Variants in G6PC3 observed in about 807,000 individuals in gnomAD.
G6PC3 encodes glucose-6-phosphatase 3.
A neutral mutation model predicts 38.6 loss-of-function variants in G6PC3; 30 were observed. That is an observed-to-expected ratio of 0.78 (90% CI 0.58 to 1.05). The LOEUF is 1.05. Among genes scored for constraint, G6PC3 ranks in the 50% least tolerant of loss-of-function variants. The pLI is 0.00. For missense variants in G6PC3, 377 were observed against 443.1 expected, an observed-to-expected ratio of 0.85 and a Z score of 1.34; for synonymous variants, 192 against 178.1, an observed-to-expected ratio of 1.08 and a Z score of -0.62.
intron 1 of G6PC3, chr17:44,072,627 C>CTT (rs57662252): frequency 2.2e-3 from 278 of 127,462 alleles, no homozygotes; most frequent in Middle Eastern, 9.6e-3. Flanking sequence ...ACCTGGCATT[C>CTT]TTTTTTTTTT....
Position 44,071,006 on chromosome 17 carries a change from C to T in G6PC3, c.41C>T (p.Ala14Val). The T allele has an allele frequency of 6.4e-7, 1 of 1,565,952 alleles. No homozygotes were observed. Among genetic ancestry groups the T allele is most frequent in the Non-Finnish European group, 8.7e-7 (1 of 1,154,468 alleles). The stretch of plus-strand genomic sequence containing the variant: ...GGCGCGGGCATCGTGATAGCCGAGG[C>T]GCTACAGAACCAGCTAGCCTGGCTG... ...TLGAGIVIAE[A>V]LQNQLAWLEN... is the part of the protein sequence containing the mutation. Residue 14 changes from alanine (A) to valine (V), a missense_variant, in exon 1 of 6, where the codon GCG becomes GTG. Ala to Val is a moderately conservative substitution (Grantham distance 64). Transcript: ENST00000269097.
At chr17:44,073,793 T>G in intron 1 of G6PC3, 1 of 299,994 alleles carries the variant, frequency 3.3e-6, no homozygotes, top group Non-Finnish European at 6.5e-6. Context: ...TGGGTCTTGC[T>G]ATGTTGCCCA....
In G6PC3 at chr17:44,071,068, C is replaced by T. The variant is rs746973765; in HGVS notation, c.103C>T (p.Pro35Ser). The change falls in exon 1 of 6, where the codon CCC (proline) becomes TCC (serine). Residue 35 changes from proline to serine, a missense_variant. Physicochemically the swap from Pro to Ser is moderately conservative, Grantham distance 74 (BLOSUM62 -1). Transcript: ENST00000269097. The stretch of plus-strand genomic sequence containing the variant: ...GCTCTGGATCACCTTTCTGGGCGAT[C>T]CCAAGATCCTCTTTCTGTTCTACTT... ...VWLWITFLGD[P>S]KILFLFYFPA... 1 of 1,611,880 alleles carries T rather than the reference C, an allele frequency of 6.2e-7. No homozygotes were observed. Among genetic ancestry groups the T allele is most frequent in the South Asian group, 1.1e-5 (1 of 90,448 alleles).
rs2049966933 is a variant in G6PC3, at chr17:44,070,989, C to T, written c.24C>T (p.Gly8=). MESTLGA[G]IVIAEALQNQ... ...CCATGGAGTCCACGCTGGGCGCGGG[C>T]ATCGTGATAGCCGAGGCGCTACAGA... The change falls in exon 1 of 6, where the codon GGC becomes GGT. Residue 8 remains glycine, a synonymous_variant. Coordinates refer to ENST00000269097, the MANE Select transcript of G6PC3 (RefSeq NM_138387.4). 1.3e-6 allele frequency: 2 copies of T among 1,556,274 alleles called. No individual in the cohort carries two copies. Among genetic ancestry groups the T allele is most frequent in the Non-Finnish European group, 1.7e-6 (2 of 1,149,466 alleles).
Position 44,075,713 on chromosome 17 carries a change from G to T in G6PC3, c.711G>T (p.Arg237=). 6.2e-7 allele frequency: 1 copy of T among 1,612,490 alleles called. No homozygotes were observed. The stretch of plus-strand genomic sequence containing the variant: ...GCCTAGCCTTCAAGTGGTGTGAGCG[G>T]CCTGAGTGGATACACGTGGATAGCC... ...SISLAFKWCE[R]PEWIHVDSRP... Residue 237 remains arginine (R), a synonymous_variant, in exon 6 of 6, where the codon CGG becomes CGT. Transcript: ENST00000269097.
At chr17:44,075,638 T>C (rs1338324519) in intron 5 of G6PC3, 42 bp from the exon 6 acceptor site, 1 of 1,607,014 alleles carries the variant, frequency 6.2e-7, no homozygotes, top group Non-Finnish European at 8.5e-7. Flanking sequence ...AGTGGCCTTC[T>C]ATGTTCCAGC....
intron 1 of G6PC3, chr17:44,071,575 C>G (rs1354049544): frequency 1.8e-6 from 2 of 1,083,836 alleles, no homozygotes; most frequent in African/African-American, 3.3e-5. Flanking sequence ...AGAGTCCTAC[C>G]TCTCAACTCA....
intron 1 of G6PC3, chr17:44,072,040 G>C: frequency 3.9e-6 from 1 of 256,640 alleles, no homozygotes; most frequent in Non-Finnish European, 8.0e-6. Flanking sequence ...GGGAAGGAAG[G>C]GAGGCTCATA....
intron 1 of G6PC3, chr17:44,072,199 G>C (rs1395079452): frequency 6.2e-6 from 1 of 161,310 alleles, no homozygotes; most frequent in Non-Finnish European, 1.4e-5. Context: ...CCTTTGCTTT[G>C]TGCTCTCCTC....
intron 1 of G6PC3, chr17:44,072,818 G>T (rs2050007724): frequency 6.6e-6 from 1 of 151,328 alleles, no homozygotes; most frequent in South Asian, 2.1e-4. Flanking sequence ...TTTATTTCTA[G>T]TAGAGACAGG....
At position 44,071,172 on chromosome 17, in the gene G6PC3, C is replaced by G. The variant is rs748995827; in HGVS notation, c.207C>G (p.Leu69=). 2.5e-6 allele frequency: 4 copies of G among 1,613,450 alleles called. No homozygotes were observed. The East Asian group carries it at 8.9e-5, about 36-fold the overall frequency. ...WISLITEWLN[L]IFKWFLFGDR... is the part of the protein sequence containing the mutation. ...GCCTCATCACCGAGTGGCTCAACCT[C>G]ATCTTCAAGTGGTGAGACAGAGAAG... Residue 69 remains leucine (L), a synonymous_variant, in exon 1 of 6, where the codon CTC becomes CTG. Coordinates refer to ENST00000269097, the MANE Select transcript of G6PC3 (RefSeq NM_138387.4).
chr17:44,075,316 T>C lies in G6PC3; in HGVS notation c.542T>C (p.Val181Ala), dbSNP rs1253447852. ...TGTCACTCCACTCTCCTAGGCGCTGTCCTGGGCTGGCTGATGACTCCCCGA... is the reference window on the plus strand; with the variant it reads ...TGTCACTCCACTCTCCTAGGCGCTGCCCTGGGCTGGCTGATGACTCCCCGA... ...QVLAGLITGAVLGWLMTPRVP... is the reference protein window; with the variant it reads ...QVLAGLITGAALGWLMTPRVP... Residue 181 changes from valine (V) to alanine (A), a missense_variant, in exon 5 of 6, where the codon GTC (valine) becomes GCC (alanine). Coordinates refer to ENST00000269097, the MANE Select transcript of G6PC3 (RefSeq NM_138387.4). 6.2e-7 allele frequency: 1 copy of C among 1,614,144 alleles called. No individual in the cohort carries two copies. The highest frequency in any genetic ancestry group is 8.5e-7 in the Non-Finnish European group (1 of 1,180,030).
At chr17:44,073,018 A>T (rs1303076984) in intron 1 of G6PC3, 1 of 152,134 alleles carries the variant, frequency 6.6e-6, no homozygotes, top group Admixed American at 6.6e-5. Flanking sequence ...TGCCTTCTGT[A>T]TATCCCTCCC....
Position 44,071,200 on chromosome 17 carries a change from C to T in G6PC3, c.218+17C>T, listed in dbSNP as rs1359298616. 1.2e-6 allele frequency: 2 copies of T among 1,609,130 alleles called. No individual in the cohort carries two copies. The highest frequency in any genetic ancestry group is 1.7e-6 in the Non-Finnish European group (2 of 1,178,552). On this transcript the variant is annotated intron_variant, in intron 1 of 5. Transcript: ENST00000269097. ...CTTCAAGTGGTGAGACAGAGAAGCC[C>T]TCCGGCATCCTGGTCCCCACCCCCG...
rs762465022 is a variant in G6PC3 at position 44,074,672 on chromosome 17, G to T, written c.326-8G>T. ...CTTCTCACCACGAGCTTCTGGATTT[G>T]CTGGCAGGCAGCCCTTCTGGACACT... On this transcript the variant is annotated splice_region_variant and splice_polypyrimidine_tract_variant and intron_variant, in intron 2 of 5. Transcript: ENST00000269097. 1 of 1,614,042 alleles carries T rather than the reference G, an allele frequency of 6.2e-7. No homozygotes were observed. The highest frequency in any genetic ancestry group is 2.2e-5 in the East Asian group (1 of 44,876).
chr17:44,074,103 T>A, intron 1 of G6PC3, 57 bp from the exon 2 acceptor site: 1 of 1,232,528 alleles, frequency 8.1e-7, no homozygotes, highest in East Asian at 2.3e-5. Context: ...GCCCGCCTTG[T>A]ACCCCCCCTG....
rs761132807 is a variant in G6PC3, at chr17:44,074,244, CTCT to C, written c.308_310del (p.Ser103del). The C allele has an allele frequency of 3.1e-6, 5 of 1,613,552 alleles. No individual in the cohort carries two copies. The highest frequency in any genetic ancestry group is 2.2e-5 in the South Asian group (2 of 91,060). On this transcript the variant is annotated inframe_deletion, in exon 2 of 6. Coordinates refer to ENST00000269097, the MANE Select transcript of G6PC3 (RefSeq NM_138387.4). Reference sequence around the variant, plus strand: ...CTCCAGCCCAGGTTCACCAGTTCCCCTCTTCTTGTGAGACTGGTCCAGGTGGGA... The same window carrying C: ...CTCCAGCCCAGGTTCACCAGTTCCCCTCTTGTGAGACTGGTCCAGGTGGGA...
At position 44,075,695 on chromosome 17, in the gene G6PC3, C is replaced by T; in HGVS notation, c.693C>T (p.Ala231=). ...GLDLSWSISL[A]FKWCERPEWI... ...TTCCCCACAGGTCCATCAGCCTAGCCTTCAAGTGGTGTGAGCGGCCTGAGT... is the reference window on the plus strand; with the variant it reads ...TTCCCCACAGGTCCATCAGCCTAGCTTTCAAGTGGTGTGAGCGGCCTGAGT... Residue 231 remains alanine, a synonymous_variant, in exon 6 of 6, where the codon GCC becomes GCT. Coordinates refer to ENST00000269097, the MANE Select transcript of G6PC3 (RefSeq NM_138387.4). 1 of 1,611,984 alleles carries T rather than the reference C, an allele frequency of 6.2e-7. No individual in the cohort carries two copies. Among genetic ancestry groups the T allele is most frequent in the Non-Finnish European group, 8.5e-7 (1 of 1,180,014 alleles).
rs199992248 is a variant in G6PC3 at position 44,075,863 on chromosome 17, T to C, written c.861T>C (p.Leu287=). ...GAAATGGCCAGAAGATAGCCTGCCT[T>C]GTGCTGGCCATGGGGCTGCTGGGCC... is the stretch of plus-strand genomic sequence containing the variant. ...QLGNGQKIAC[L]VLAMGLLGPL... The change falls in exon 6 of 6, where the codon CTT becomes CTC. Residue 287 remains leucine (L), a synonymous_variant. Transcript: ENST00000269097. 5 of 1,612,590 alleles carry C rather than the reference T, an allele frequency of 3.1e-6. No homozygotes were observed. Among genetic ancestry groups the C allele is most frequent in the Middle Eastern group, 1.6e-4 (1 of 6,062 alleles).
Sources: gnomAD v4.1 joint callset for allele counts on GRCh38, gnomAD v4.1.1 for gene constraint, MANE v1.5 for transcripts, NCBI Gene and HGNC (gene_info 2026-07-23, HGNC 2026-07-21) for gene names.